The following ROR1 variants were observed in gnomAD, a reference collection of about 807,000 sequenced individuals.
ROR1 encodes the protein inactive tyrosine-protein kinase transmembrane receptor ROR1.
Under a neutral mutation model 78.8 loss-of-function variants are expected in ROR1, and 19 were observed. The ratio of observed to expected loss-of-function variants is 0.24; its 90% CI spans 0.17 to 0.35. The LOEUF is 0.35. ROR1 is among the 10% of genes least tolerant of loss of function. ROR1 has a pLI of 1.00. For synonymous variants in ROR1, 386 were observed against 433.6 expected (o/e 0.89, Z 1.36); for missense variants, 917 against 1,177.8 (o/e 0.78, Z 3.24).
intron 4 of ROR1, among the ~76,000 whole-genome samples, chr1:64,132,783 A>AAAG (rs1557667323): frequency 2.2e-5 from 3 of 136,732 alleles, no homozygotes; most frequent in Admixed American, 7.4e-5. Flanking sequence ...AAAAAAAAAA[A>AAAG]AGAGAGAGAG....
chr1:64,064,073 A>G (rs1460895491), intron 4 of ROR1, among the ~76,000 whole-genome samples: 1 of 152,268 alleles, frequency 6.6e-6, no homozygotes, highest in Admixed American at 6.5e-5. Context: ...GGAAAGCAGA[A>G]CAAATTCTGG....
intron 4 of ROR1, among the ~76,000 whole-genome samples, chr1:64,136,359 T>A (rs1649102072): frequency 6.7e-6 from 1 of 149,974 alleles, no homozygotes; most frequent in Admixed American, 6.6e-5. Flanking sequence ...CGGTGTATTT[T>A]TTTTTTTTTT....
At position 64,171,115 on chromosome 1, in the gene ROR1, T is replaced by G. The variant is rs551455385; in HGVS notation, c.1387-6313T>G. On this transcript the variant is annotated intron_variant, in intron 8 of 8. Coordinates refer to ENST00000371079, the MANE Select transcript of ROR1 (RefSeq NM_005012.4). ...GGGTATCTTTTCAGCAGCACCCCACTCTACTGGTACCAATTTACAATATTA... is the reference window on the plus strand; with the variant it reads ...GGGTATCTTTTCAGCAGCACCCCACGCTACTGGTACCAATTTACAATATTA... The G allele has an allele frequency of 1.5e-4, 25 of 171,620 alleles. No individual in the cohort carries two copies. The East Asian group carries it at 2.4e-3, about 16-fold the overall frequency. 10.6% of individuals were successfully genotyped at this position (171,620 alleles called of 1,614,324 possible).
At chr1:63,877,894 GAGGCT>G (rs1645297979) in intron 1 of ROR1, among the ~76,000 whole-genome samples, 1 of 152,148 alleles carries the variant, frequency 6.6e-6, no homozygotes, top group Non-Finnish European at 1.5e-5. Context: ...ACAAGACAAA[GAGGCT>G]CATTGTTAAT....
At chr1:63,860,536 C>T (rs949137008) in intron 1 of ROR1, among the ~76,000 whole-genome samples, 12 of 149,582 alleles carry the variant, frequency 8.0e-5, no homozygotes, top group African/African-American at 1.7e-4. Flanking sequence ...CTGGCCAACA[C>T]GGTAAAACCC....
At chr1:63,928,933 C>T (rs1557566779) in intron 1 of ROR1, among the ~76,000 whole-genome samples, 1 of 152,050 alleles carries the variant, frequency 6.6e-6, no homozygotes, top group Non-Finnish European at 1.5e-5. Context: ...TCTGTCAGGC[C>T]CTGTTACAGG....
At chr1:63,795,437 A>G (rs2100245241) in intron 1 of ROR1, among the ~76,000 whole-genome samples, 1 of 152,292 alleles carries the variant, frequency 6.6e-6, no homozygotes, top group Non-Finnish European at 1.5e-5. Context: ...CTGACCTTTT[A>G]AGGAAAATCC....
chr1:63,868,815 C>T (rs945169868), intron 1 of ROR1, among the ~76,000 whole-genome samples: 10 of 152,072 alleles, frequency 6.6e-5, no homozygotes, highest in African/African-American at 1.4e-4. Context: ...CTGGGAACGT[C>T]GTGAAGGAGA....
intron 1 of ROR1, among the ~76,000 whole-genome samples, chr1:63,967,425 A>G (rs1261543428): frequency 6.6e-6 from 1 of 152,100 alleles, no homozygotes; most frequent in Admixed American, 6.5e-5. Context: ...GATTCTCGCT[A>G]TGATGCTCAG....
chr1:64,079,671 G>A (rs1480435825), intron 4 of ROR1, among the ~76,000 whole-genome samples: 2 of 151,916 alleles, frequency 1.3e-5, no homozygotes, highest in South Asian at 2.1e-4. Context: ...TAGTAGAAAC[G>A]GGGTTTCACC....
At chr1:64,012,326 T>C (rs967692643) in intron 2 of ROR1, among the ~76,000 whole-genome samples, 2 of 152,186 alleles carry the variant, frequency 1.3e-5, no homozygotes. Flanking sequence ...ATGAAGCACC[T>C]TGGGCCATTG....
chr1:63,943,107 A>C (rs74997616), intron 1 of ROR1, among the ~76,000 whole-genome samples: 31 of 151,478 alleles, frequency 2.0e-4, no homozygotes, highest in African/African-American at 7.3e-4. Flanking sequence ...AAAAAAAAAA[A>C]AAAAAAAAAA....
intron 1 of ROR1, among the ~76,000 whole-genome samples, chr1:63,782,499 T>G (rs1285745108): frequency 6.6e-6 from 1 of 151,890 alleles, no homozygotes; most frequent in Non-Finnish European, 1.5e-5. Flanking sequence ...TTAGGTTTTA[T>G]GTGAACCAAA....
At chr1:64,100,408 A>G (rs1008351008) in intron 4 of ROR1, among the ~76,000 whole-genome samples, 2 of 152,078 alleles carry the variant, frequency 1.3e-5, no homozygotes, top group Non-Finnish European at 2.9e-5. Context: ...GGATCGCTTG[A>G]ACCCAGGAGG....
chr1:64,118,248 T>TTTAA (rs1372545133), intron 4 of ROR1, among the ~76,000 whole-genome samples: 1 of 152,122 alleles, frequency 6.6e-6, no homozygotes, highest in Non-Finnish European at 1.5e-5. Context: ...TCCCATTCAG[T>TTTAA]TTATAAGTCA....
At chr1:63,823,001 A>G (rs543195134) in intron 1 of ROR1, among the ~76,000 whole-genome samples, 10 of 152,216 alleles carry the variant, frequency 6.6e-5, no homozygotes, top group Non-Finnish European at 1.2e-4. Flanking sequence ...TTGTTTACAC[A>G]TAACTGATGC....
At chr1:63,793,983 T>C (rs747683138) in intron 1 of ROR1, among the ~76,000 whole-genome samples, 4 of 152,128 alleles carry the variant, frequency 2.6e-5, no homozygotes, top group African/African-American at 4.8e-5. Context: ...TAGGATTAGA[T>C]AGAACTGCCG....
intron 4 of ROR1, among the ~76,000 whole-genome samples, chr1:64,119,128 A>T (rs11805426): frequency 0.3 from 46,207 of 151,882 alleles, 7,456 homozygotes; most frequent in African/African-American, 0.34. Flanking sequence ...TTCACACATA[A>T]TCCTGACCCC....
chr1:63,878,564 T>C (rs1281757200), intron 1 of ROR1, among the ~76,000 whole-genome samples: 1 of 152,082 alleles, frequency 6.6e-6, no homozygotes, highest in Non-Finnish European at 1.5e-5. Context: ...GGCTGCCATT[T>C]GCTTACAGGT....
Sources: allele counts gnomAD v4.1 joint callset (sites outside exome capture counted in the v4.1 genomes callset), GRCh38; gene constraint gnomAD v4.1.1; transcripts MANE v1.5; gene names NCBI Gene and HGNC (gene_info 2026-07-23, HGNC 2026-07-21).